The following CSMD1 variants were observed in gnomAD, a reference collection of about 807,000 sequenced individuals.
CSMD1 encodes the protein CUB and sushi domain-containing protein 1.
Under a neutral mutation model 417.5 loss-of-function variants are expected in CSMD1, and 213 were observed. The observed-to-expected ratio is 0.51, with a 90% CI of 0.46 to 0.57. CSMD1 has a LOEUF of 0.57. Among genes scored for constraint, CSMD1 ranks in the 20% least tolerant of loss-of-function variants. The probability of loss-of-function intolerance (pLI) is 0.00; values close to 1 mark genes in which losing one functional copy is unlikely to be tolerated. For synonymous variants in CSMD1, 2,862 were observed against 1,736.8 expected, an observed-to-expected ratio of 1.65 and a Z score of -16.11; for missense variants, 6,923 against 4,529.7, an observed-to-expected ratio of 1.53 and a Z score of -15.17.
intron 1 of CSMD1, among the ~76,000 whole-genome samples, chr8:4,803,585 C>A (rs1206428772): frequency 6.6e-6 from 1 of 152,124 alleles, no homozygotes; most frequent in Non-Finnish European, 1.5e-5. Context: ...AGCCAGGATT[C>A]TACTATTGTT....
intron 3 of CSMD1, among the ~76,000 whole-genome samples, chr8:4,203,108 C>G (rs184542659): frequency 4.6e-5 from 7 of 152,176 alleles, no homozygotes; most frequent in African/African-American, 1.7e-4. Flanking sequence ...TGTGGGTTCC[C>G]TGTTGTCATA....
At chr8:4,578,845 A>T (rs1799271003) in intron 2 of CSMD1, among the ~76,000 whole-genome samples, 1 of 150,496 alleles carries the variant, frequency 6.6e-6, no homozygotes. Context: ...CTATCTTTAC[A>T]AGCAGAAATG....
intron 1 of CSMD1, among the ~76,000 whole-genome samples, chr8:4,817,368 T>A (rs991473439): frequency 1.1e-4 from 16 of 152,132 alleles, no homozygotes; most frequent in Non-Finnish European, 2.4e-4. Flanking sequence ...CTATAACAAA[T>A]TAAAAAAATG....
At chr8:4,801,415 T>C (rs1205408749) in intron 1 of CSMD1, among the ~76,000 whole-genome samples, 2 of 152,068 alleles carry the variant, frequency 1.3e-5, no homozygotes, top group African/African-American at 4.8e-5. Flanking sequence ...GTGGGTTCTA[T>C]TTCGGCCAGT....
intron 1 of CSMD1, among the ~76,000 whole-genome samples, chr8:4,762,606 G>C (rs1245144748): frequency 1.3e-5 from 2 of 152,104 alleles, no homozygotes; most frequent in African/African-American, 4.8e-5. Context: ...CTCTGAGCCT[G>C]AGTGATGGGC....
At chr8:4,401,767 G>C (rs1804660618) in intron 3 of CSMD1, among the ~76,000 whole-genome samples, 1 of 151,936 alleles carries the variant, frequency 6.6e-6, no homozygotes, top group Non-Finnish European at 1.5e-5. Flanking sequence ...CTTGAACATA[G>C]TCCCCGCAGC....
intron 1 of CSMD1, among the ~76,000 whole-genome samples, chr8:4,981,333 A>G (rs182132945): frequency 7.2e-5 from 11 of 152,342 alleles, no homozygotes; most frequent in African/African-American, 2.6e-4. Flanking sequence ...AGCAGGATGT[A>G]TTAACTCTCT....
At chr8:4,608,364 G>GA (rs1247552690) in intron 2 of CSMD1, among the ~76,000 whole-genome samples, 3 of 152,144 alleles carry the variant, frequency 2.0e-5, no homozygotes, top group African/African-American at 7.2e-5. Flanking sequence ...TGGCTGACCG[G>GA]AACATGGTGG....
At chr8:3,255,117 G>C (rs751635742) in intron 26 of CSMD1, among the ~76,000 whole-genome samples, 79 of 152,144 alleles carry the variant, frequency 5.2e-4, no homozygotes, top group Non-Finnish European at 9.8e-4. Flanking sequence ...CCGGTCTCTT[G>C]GAGTTTGCGG....
At chr8:3,362,206 C>A (rs1305863046) in intron 20 of CSMD1, among the ~76,000 whole-genome samples, 2 of 152,148 alleles carry the variant, frequency 1.3e-5, no homozygotes, top group Non-Finnish European at 2.9e-5. Flanking sequence ...CACAGTCACC[C>A]AGCCACCATA....
At chr8:4,446,322 T>C (rs1365956500) in intron 2 of CSMD1, among the ~76,000 whole-genome samples, 1 of 151,968 alleles carries the variant, frequency 6.6e-6, no homozygotes, top group African/African-American at 2.4e-5. Context: ...CCAGCATGGG[T>C]GGATCGCTTG....
At chr8:4,515,316 A>G (rs975393156) in intron 2 of CSMD1, among the ~76,000 whole-genome samples, 4 of 152,188 alleles carry the variant, frequency 2.6e-5, no homozygotes. Flanking sequence ...GAAATAGCAC[A>G]TGTAAATAAA....
intron 48 of CSMD1, among the ~76,000 whole-genome samples, chr8:3,090,508 T>C (rs987929274): frequency 4.6e-5 from 7 of 152,224 alleles, no homozygotes; most frequent in Non-Finnish European, 1.0e-4. Context: ...TTTCAAAATC[T>C]TGATGCTTTT....
At chr8:4,895,029 T>G (rs928976839) in intron 1 of CSMD1, among the ~76,000 whole-genome samples, 2 of 152,190 alleles carry the variant, frequency 1.3e-5, no homozygotes, top group African/African-American at 4.8e-5. Context: ...GACCTGAGTT[T>G]TTTCATTGAT....
At chr8:4,430,075 C>T (rs553245868) in intron 2 of CSMD1, among the ~76,000 whole-genome samples, 1 of 152,258 alleles carries the variant, frequency 6.6e-6, no homozygotes, top group South Asian at 2.1e-4. Flanking sequence ...AAAGCAGAAA[C>T]AAAACTTAAT....
At chr8:4,451,307 A>G (rs1230077301) in intron 2 of CSMD1, among the ~76,000 whole-genome samples, 1 of 152,162 alleles carries the variant, frequency 6.6e-6, no homozygotes, top group Non-Finnish European at 1.5e-5. Flanking sequence ...TCAATCAACC[A>G]CTGCACCACT....
In CSMD1 at chr8:4,090,427, C is replaced by CGTGT. The variant is rs370560599; in HGVS notation, c.416-58332_416-58329dup. Among the ~76,000 whole-genome samples, 807 of 152,156 alleles carry CGTGT rather than the reference C, an allele frequency of 5.3e-3. 6 individuals carry two copies. Among genetic ancestry groups the CGTGT allele is most frequent in the African/African-American group, 0.019 (770 of 41,514 alleles). On this transcript the variant is annotated intron_variant, in intron 3 of 69. Coordinates refer to ENST00000635120, the MANE Select transcript of CSMD1 (RefSeq NM_033225.6). ...AATTAACACCCTAGTCTTGATTGGA[C>CGTGT]GTGTTTAATTTTTTTAAGAAAATAC...
At chr8:3,865,224 A>G (rs1457441737) in intron 5 of CSMD1, among the ~76,000 whole-genome samples, 1 of 152,230 alleles carries the variant, frequency 6.6e-6, no homozygotes, top group African/African-American at 2.4e-5. Context: ...ATAAGTCATC[A>G]TCTCTGTCCT....
intron 10 of CSMD1, among the ~76,000 whole-genome samples, chr8:3,554,741 G>T (rs751698828): frequency 1.3e-5 from 2 of 152,140 alleles, no homozygotes; most frequent in Non-Finnish European, 2.9e-5. Flanking sequence ...TTCCACAGAG[G>T]GTCAATACTT....
Sources: allele counts gnomAD v4.1 joint callset (sites outside exome capture counted in the v4.1 genomes callset), GRCh38; gene constraint gnomAD v4.1.1; transcripts MANE v1.5; gene names NCBI Gene and HGNC (gene_info 2026-07-23, HGNC 2026-07-21).